Variants in MBOAT2 observed in about 807,000 individuals in gnomAD.
MBOAT2 encodes the protein membrane-bound glycerophospholipid O-acyltransferase 2.
A neutral mutation model predicts 63.4 loss-of-function variants in MBOAT2; 28 were observed. The observed-to-expected ratio is 0.44, with a 90% CI of 0.33 to 0.61. MBOAT2 has a LOEUF of 0.61. MBOAT2 is among the 20% of genes least tolerant of loss of function. The pLI is 0.03. For missense variants in MBOAT2, 470 were observed against 605.8 expected (o/e 0.78, Z 2.35); for synonymous variants, 211 against 215.6 (o/e 0.98, Z 0.19).
At chr2:8,989,795 G>A (rs1671801135) in intron 1 of MBOAT2, among the ~76,000 whole-genome samples, 1 of 152,184 alleles carries the variant, frequency 6.6e-6, no homozygotes, top group Admixed American at 6.5e-5. Flanking sequence ...CTAACAAAGG[G>A]AACAAGCGCT....
chr2:8,937,503 T>G (rs1667750626), intron 3 of MBOAT2, among the ~76,000 whole-genome samples: 1 of 152,214 alleles, frequency 6.6e-6, no homozygotes, highest in Non-Finnish European at 1.5e-5. Context: ...CTGAGATAGA[T>G]TCTCTGAAGG....
At chr2:8,975,711 T>C (rs1326548641) in intron 1 of MBOAT2, among the ~76,000 whole-genome samples, 4 of 144,958 alleles carry the variant, frequency 2.8e-5, no homozygotes, top group African/African-American at 1.0e-4. Context: ...CTTGTATAGG[T>C]ACAATGGATG....
chr2:8,965,436 C>T (rs1328657432), intron 1 of MBOAT2, among the ~76,000 whole-genome samples: 1 of 152,120 alleles, frequency 6.6e-6, no homozygotes, highest in Non-Finnish European at 1.5e-5. Context: ...TCAACCTCTG[C>T]GATCTCCATC....
intron 1 of MBOAT2, among the ~76,000 whole-genome samples, chr2:8,967,224 G>C (rs915425677): frequency 1.3e-5 from 2 of 152,192 alleles, no homozygotes; most frequent in African/African-American, 2.4e-5. Flanking sequence ...GGTTATAATA[G>C]TGACAGACAA....
At chr2:8,887,105 T>G (rs574364471) in intron 5 of MBOAT2, among the ~76,000 whole-genome samples, 1 of 152,198 alleles carries the variant, frequency 6.6e-6, no homozygotes, top group South Asian at 2.1e-4. Context: ...TGCCCATCCA[T>G]CAAAACCCAC....
intron 1 of MBOAT2, among the ~76,000 whole-genome samples, chr2:8,959,311 C>A (rs1265119328): frequency 6.6e-6 from 1 of 152,156 alleles, no homozygotes; most frequent in Non-Finnish European, 1.5e-5. Flanking sequence ...CCTTATAGTT[C>A]ACTAGGAACT....
chr2:8,985,531 T>A (rs137951647), intron 1 of MBOAT2, among the ~76,000 whole-genome samples: 1 of 152,280 alleles, frequency 6.6e-6, no homozygotes, highest in East Asian at 1.9e-4. Context: ...ATATCCACCC[T>A]TCCCATGCTC....
At chr2:8,867,341 C>T (rs1305896032) in intron 9 of MBOAT2, among the ~76,000 whole-genome samples, 1 of 152,096 alleles carries the variant, frequency 6.6e-6, no homozygotes, top group Admixed American at 6.5e-5. Flanking sequence ...TTCTTTCTGG[C>T]TACTCCTGAA....
intron 1 of MBOAT2, among the ~76,000 whole-genome samples, chr2:8,963,139 G>A (rs1161583526): frequency 6.6e-6 from 1 of 151,738 alleles, no homozygotes; most frequent in Non-Finnish European, 1.5e-5. Context: ...CTGGGGAGGT[G>A]AGGTGGAAGG....
intron 4 of MBOAT2, among the ~76,000 whole-genome samples, chr2:8,896,529 G>A (rs530936723): frequency 1.3e-5 from 2 of 152,334 alleles, no homozygotes; most frequent in East Asian, 3.9e-4. Flanking sequence ...GTGGCAGTAG[G>A]ATAATGCATG....
At chr2:8,888,169 A>T in intron 4 of MBOAT2, 96 bp from the exon 5 acceptor site, 1 of 1,139,662 alleles carries the variant, frequency 8.8e-7, no homozygotes. Context: ...TTTTATCACT[A>T]CAAATCCTGA....
At chr2:8,891,317 A>G (rs1572976131) in intron 4 of MBOAT2, among the ~76,000 whole-genome samples, 1 of 152,380 alleles carries the variant, frequency 6.6e-6, no homozygotes, top group Non-Finnish European at 1.5e-5. Context: ...GTAAGGGATG[A>G]GCAGATTAAA....
chr2:8,993,767 C>T (rs1481230161), intron 1 of MBOAT2, among the ~76,000 whole-genome samples: 2 of 152,176 alleles, frequency 1.3e-5, no homozygotes, highest in African/African-American at 4.8e-5. Flanking sequence ...CTCCGCTGTA[C>T]CCTGTGTCTT....
intron 4 of MBOAT2, among the ~76,000 whole-genome samples, chr2:8,903,410 C>A (rs568809951): frequency 6.6e-6 from 1 of 152,280 alleles, no homozygotes; most frequent in African/African-American, 2.4e-5. Context: ...ATTTACCAAG[C>A]CTCTGATACG....
At chr2:8,992,832 C>T (rs752100259) in intron 1 of MBOAT2, among the ~76,000 whole-genome samples, 37 of 152,172 alleles carry the variant, frequency 2.4e-4, no homozygotes, top group Non-Finnish European at 4.4e-4. Context: ...GCTGGCTGGT[C>T]GCCTGGCTCA....
chr2:8,860,190 CA>C (rs201924179), intron 12 of MBOAT2, among the ~76,000 whole-genome samples: 39 of 141,736 alleles, frequency 2.8e-4, no homozygotes, highest in African/African-American at 4.9e-4. Context: ...GATTCCGTCT[CA>C]AAAAAAAAAA....
At chr2:8,950,307 T>G (rs752169025) in intron 2 of MBOAT2, among the ~76,000 whole-genome samples, 3 of 152,202 alleles carry the variant, frequency 2.0e-5, no homozygotes, top group Non-Finnish European at 1.5e-5. Flanking sequence ...GGATGCCTTT[T>G]ATTTCTTTCT....
intron 1 of MBOAT2, among the ~76,000 whole-genome samples, chr2:8,989,978 A>T (rs1246784119): frequency 1.3e-5 from 2 of 152,198 alleles, no homozygotes; most frequent in African/African-American, 4.8e-5. Flanking sequence ...CTTGTAAGGG[A>T]TGCTACGTTG....
intron 1 of MBOAT2, among the ~76,000 whole-genome samples, chr2:8,988,826 A>G (rs1239011996): frequency 6.6e-6 from 1 of 152,098 alleles, no homozygotes; most frequent in Non-Finnish European, 1.5e-5. Flanking sequence ...TTGCAAGGAG[A>G]AAAAAAATCC....
Sources: gnomAD v4.1 joint callset for allele counts (sites outside exome capture counted in the v4.1 genomes callset) on GRCh38, gnomAD v4.1.1 for gene constraint, MANE v1.5 for transcripts, NCBI Gene and HGNC (gene_info 2026-07-23, HGNC 2026-07-21) for gene names.